Variants in FRMD4B observed in about 807,000 individuals in gnomAD.
FRMD4B encodes the protein FERM domain containing 4B.
A neutral mutation model predicts 141.5 loss-of-function variants in FRMD4B; 74 were observed. That is an observed-to-expected ratio of 0.52 (90% CI 0.43 to 0.63). The LOEUF is 0.63. Ranked by LOEUF, FRMD4B falls within the 30% of genes least tolerant of loss-of-function variation. The pLI is 0.00. For synonymous variants in FRMD4B, 506 were observed against 467.9 expected, an observed-to-expected ratio of 1.08 and a Z score of -1.05; for missense variants, 1,366 against 1,253.4, an observed-to-expected ratio of 1.09 and a Z score of -1.36.
chr3:69,538,810 AT>A (rs1422535792), intron 1 of FRMD4B, among the ~76,000 whole-genome samples: 1 of 152,188 alleles, frequency 6.6e-6, no homozygotes, highest in Non-Finnish European at 1.5e-5. Context: ...CACGGCACAT[AT>A]TTGGCAGAAG....
chr3:69,317,538 G>A (rs28642172), intron 1 of FRMD4B, among the ~76,000 whole-genome samples: 16,626 of 152,022 alleles, frequency 0.11, 983 homozygotes, highest in Non-Finnish European at 0.13. Flanking sequence ...CTTGAGGTCA[G>A]AAGTTCTAAA....
intron 3 of FRMD4B, among the ~76,000 whole-genome samples, chr3:69,303,978 A>G (rs1235380622): frequency 1.3e-5 from 2 of 152,020 alleles, no homozygotes; most frequent in African/African-American, 4.8e-5. Context: ...ACACATAACA[A>G]TACCACAGCT....
intron 1 of FRMD4B, among the ~76,000 whole-genome samples, chr3:69,334,878 G>A (rs950235280): frequency 6.6e-6 from 1 of 152,188 alleles, no homozygotes; most frequent in African/African-American, 2.4e-5. Context: ...ACTTGCCAGC[G>A]AAGAAGAAAG....
intron 1 of FRMD4B, among the ~76,000 whole-genome samples, chr3:69,498,121 C>G (rs1050057197): frequency 6.6e-6 from 1 of 152,130 alleles, no homozygotes; most frequent in Non-Finnish European, 1.5e-5. Flanking sequence ...CATTTTTCCT[C>G]TGAATTTCTT....
intron 18 of FRMD4B, among the ~76,000 whole-genome samples, chr3:69,188,470 T>C (rs976304046): frequency 2.0e-5 from 3 of 152,192 alleles, no homozygotes; most frequent in Admixed American, 6.5e-5. Flanking sequence ...TGGTGAAATT[T>C]TATGCACCAT....
At chr3:69,205,059 CAAAAAAAA>C (rs33955997) in intron 11 of FRMD4B, among the ~76,000 whole-genome samples, 1 of 124,464 alleles carries the variant, frequency 8.0e-6, no homozygotes, top group Non-Finnish European at 1.6e-5. Flanking sequence ...ATGTTTTTAA[CAAAAAAAA>C]AAAAAAAGAA....
At chr3:69,462,302 C>T (rs1171693536) in intron 1 of FRMD4B, among the ~76,000 whole-genome samples, 1 of 152,230 alleles carries the variant, frequency 6.6e-6, no homozygotes, top group Non-Finnish European at 1.5e-5. Context: ...TTTTATCCTG[C>T]AGTTTTACTC....
intron 1 of FRMD4B, among the ~76,000 whole-genome samples, chr3:69,318,854 G>T (rs1166461959): frequency 6.6e-6 from 1 of 152,096 alleles, no homozygotes; most frequent in Non-Finnish European, 1.5e-5. Context: ...TTCTTCCATG[G>T]CAATATTTGG....
chr3:69,248,289 A>G (rs2106769040), intron 7 of FRMD4B, among the ~76,000 whole-genome samples: 1 of 152,238 alleles, frequency 6.6e-6, no homozygotes, highest in South Asian at 2.1e-4. Context: ...AGAGCACAAA[A>G]CAGAACTGGT....
chr3:69,219,300 C>T (rs183938909), intron 9 of FRMD4B, among the ~76,000 whole-genome samples: 119 of 152,164 alleles, frequency 7.8e-4, no homozygotes, highest in African/African-American at 2.0e-3. Context: ...CCTCTCTGCC[C>T]GCAAGGAACT....
chr3:69,279,196 A>G (rs1398911081), intron 5 of FRMD4B, among the ~76,000 whole-genome samples: 4 of 152,198 alleles, frequency 2.6e-5, no homozygotes, highest in Non-Finnish European at 2.9e-5. Context: ...TGCAGCACTC[A>G]TCACAGACCC....
upstream of FRMD4B, among the ~76,000 whole-genome samples, chr3:69,388,601 C>T (rs1000353397): frequency 5.9e-5 from 9 of 152,096 alleles, no homozygotes; most frequent in Admixed American, 2.6e-4. Flanking sequence ...CCTCAGGACC[C>T]GTGAGACCCC....
chr3:69,209,676 A>G (rs1325239724), intron 11 of FRMD4B, among the ~76,000 whole-genome samples: 1 of 152,238 alleles, frequency 6.6e-6, no homozygotes, highest in East Asian at 1.9e-4. Context: ...GGTTTTAACA[A>G]TCAGATTGAT....
rs2092818713 is a variant in FRMD4B, at chr3:69,189,969, C to A, written c.1715-17G>T. The A allele has an allele frequency of 6.7e-7, 1 of 1,501,168 alleles. No individual in the cohort carries two copies. Among genetic ancestry groups the A allele is most frequent in the Non-Finnish European group, 9.3e-7 (1 of 1,078,206 alleles). 93.0% of individuals were successfully genotyped at this position (1,501,168 alleles called of 1,614,324 possible). On this transcript the variant is annotated splice_polypyrimidine_tract_variant and intron_variant, in intron 17 of 22. Coordinates refer to ENST00000398540, the MANE Select transcript of FRMD4B (RefSeq NM_015123.3). ...TTATGTCTTCTGTGAATAAAAATAA[C>A]TGCCTTTAGTACAATTGTGCATTTA... is the stretch of plus-strand genomic sequence containing the variant.
upstream of FRMD4B, among the ~76,000 whole-genome samples, chr3:69,390,931 C>G (rs996596642): frequency 1.3e-5 from 2 of 152,010 alleles, no homozygotes; most frequent in African/African-American, 2.4e-5. Context: ...AATGCTACAC[C>G]CTGTTCTTCC....
upstream of FRMD4B, chr3:69,386,090 G>A (rs569083808): frequency 1.4e-5 from 16 of 1,103,988 alleles, no homozygotes; most frequent in African/African-American, 2.4e-4. Context: ...GCTTCTGCTG[G>A]CAGCCGGGGG....
At chr3:69,441,936 A>G (rs1394955744) in intron 1 of FRMD4B, among the ~76,000 whole-genome samples, 2 of 152,212 alleles carry the variant, frequency 1.3e-5, no homozygotes, top group African/African-American at 2.4e-5. Flanking sequence ...AGTGGCTTAG[A>G]ACAGTGAAAG....
chr3:69,173,252 C>G (rs1420898893), intron 22 of FRMD4B, among the ~76,000 whole-genome samples: 1 of 152,120 alleles, frequency 6.6e-6, no homozygotes, highest in South Asian at 2.1e-4. Context: ...GTATTATATA[C>G]TAGGTAGCTT....
chr3:69,477,628 G>T (rs1186289052), intron 1 of FRMD4B, among the ~76,000 whole-genome samples: 1 of 151,966 alleles, frequency 6.6e-6, no homozygotes, highest in African/African-American at 2.4e-5. Flanking sequence ...GAGGATTTTT[G>T]CATCAATGTT....
Sources: gnomAD v4.1 joint callset for allele counts (sites outside exome capture counted in the v4.1 genomes callset) on GRCh38, gnomAD v4.1.1 for gene constraint, MANE v1.5 for transcripts, NCBI Gene and HGNC (gene_info 2026-07-23, HGNC 2026-07-21) for gene names.